DLC1: variants seen among roughly 807,000 people sequenced by gnomAD.
DLC1 encodes the protein rho GTPase-activating protein 7.
A neutral mutation model predicts 140.3 loss-of-function variants in DLC1; 54 were observed. That is an observed-to-expected ratio of 0.38 (90% confidence interval 0.31 to 0.48). The LOEUF (loss-of-function observed/expected upper bound fraction) is 0.48. Ranked by LOEUF, DLC1 falls within the 20% of genes least tolerant of loss-of-function variation. DLC1 has a pLI of 0.96. For missense variants in DLC1, 2,536 were observed against 1,907.0 expected, an observed-to-expected ratio of 1.33 and a Z score of -6.14; for synonymous variants, 986 against 728.1, an observed-to-expected ratio of 1.35 and a Z score of -5.70.
chr8:13,171,919 C>G (rs116950032), intron 5 of DLC1, among the ~76,000 whole-genome samples: 1 of 152,096 alleles, frequency 6.6e-6, no homozygotes, highest in South Asian at 2.1e-4. Flanking sequence ...ATGAATCCTA[C>G]GGCTACGGGT....
At chr8:13,161,147 A>G (rs1312983633) in intron 5 of DLC1, among the ~76,000 whole-genome samples, 2 of 152,186 alleles carry the variant, frequency 1.3e-5, no homozygotes, top group African/African-American at 4.8e-5. Context: ...AGGTAACCTA[A>G]TCTAATTAAT....
chr8:13,354,788 TA>T (rs879020833), intron 4 of DLC1, among the ~76,000 whole-genome samples: 46 of 143,286 alleles, frequency 3.2e-4, no homozygotes, highest in Admixed American at 7.7e-4. Flanking sequence ...CTACAAAAAA[TA>T]AAAAAAAAAA....
At chr8:13,493,147 C>G (rs1480880296) in intron 2 of DLC1, among the ~76,000 whole-genome samples, 1 of 152,132 alleles carries the variant, frequency 6.6e-6, no homozygotes, top group African/African-American at 2.4e-5. Flanking sequence ...TTGGGAAGCA[C>G]AATCTTCTCA....
At chr8:13,392,890 C>T (rs1836827413) in intron 4 of DLC1, among the ~76,000 whole-genome samples, 1 of 152,124 alleles carries the variant, frequency 6.6e-6, no homozygotes, top group South Asian at 2.1e-4. Flanking sequence ...CAGTACCTTA[C>T]ATTTATGCAT....
rs577175005 is a variant in DLC1, at chr8:13,196,845, G to A, written c.1349-81188C>T. 2.0e-4 allele frequency among the ~76,000 whole-genome samples: 30 copies of A among 152,316 alleles called. 1 individual carries two copies. In the South Asian group the frequency reaches 4.8e-3, roughly 24 times the overall value. ...TGAGATGAAAAGATTTCTAGTGGTA[G>A]GGATGTTTGAAATGGAGCTACAGTG... On this transcript the variant is annotated intron_variant, in intron 5 of 17. Transcript: ENST00000276297.
At chr8:13,401,206 A>G (rs1479272499) in intron 3 of DLC1, among the ~76,000 whole-genome samples, 1 of 152,248 alleles carries the variant, frequency 6.6e-6, no homozygotes, top group Non-Finnish European at 1.5e-5. Flanking sequence ...ACTACAAACC[A>G]TAATTTCCTA....
chr8:13,540,438 T>G (rs1433103690), intron 1 of DLC1, among the ~76,000 whole-genome samples: 3 of 152,206 alleles, frequency 2.0e-5, no homozygotes, highest in Non-Finnish European at 4.4e-5. Context: ...TTAATGAACC[T>G]CTTTAGATAT....
chr8:13,414,093 C>G (rs948127087), intron 2 of DLC1, among the ~76,000 whole-genome samples: 8 of 152,084 alleles, frequency 5.3e-5, no homozygotes, highest in Non-Finnish European at 1.2e-4. Flanking sequence ...CACGAAAAAG[C>G]TCCCCAGGAA....
At chr8:13,218,818 T>G (rs987099324) in intron 5 of DLC1, among the ~76,000 whole-genome samples, 33 of 67,696 alleles carry the variant, frequency 4.9e-4, no homozygotes, top group Non-Finnish European at 6.2e-4. Flanking sequence ...ATATTCATAA[T>G]TATATGAATA....
rs1014923303 is a variant in DLC1 at position 13,096,079 on chromosome 8, T to C, written c.3168-834A>G. The C allele has an allele frequency of 3.3e-5, 5 of 152,222 alleles. 1 individual carries two copies. Among genetic ancestry groups the C allele is most frequent in the Admixed American group, 1.3e-4 (2 of 15,272 alleles). The allele number at this position is 152,222 out of a possible 1,614,324, so 9.4% of individuals were successfully genotyped here. A position where few individuals can be genotyped will look rare whatever the true frequency, so the allele number is the denominator to read the frequency against. On this transcript the variant is annotated intron_variant, in intron 10 of 17. Transcript: ENST00000276297. Reference sequence around the variant, plus strand: ...GCATTTCAGGCTGTCAAGCAGAAATTCCAGCTCTCCAAATGACCTCTCTGA... The same window carrying C: ...GCATTTCAGGCTGTCAAGCAGAAATCCCAGCTCTCCAAATGACCTCTCTGA...
At chr8:13,185,561 C>T (rs898220440) in intron 5 of DLC1, among the ~76,000 whole-genome samples, 1 of 152,076 alleles carries the variant, frequency 6.6e-6, no homozygotes, top group Non-Finnish European at 1.5e-5. Context: ...CTCGCCTTGG[C>T]CTCCCAAAGT....
chr8:13,342,956 G>A (rs367967841), intron 4 of DLC1, among the ~76,000 whole-genome samples: 3 of 152,014 alleles, frequency 2.0e-5, no homozygotes, highest in Admixed American at 2.0e-4. Context: ...TTTGACTTCA[G>A]ACTGTCTTTT....
chr8:13,301,356 A>G (rs924201374), intron 5 of DLC1, among the ~76,000 whole-genome samples: 1 of 152,216 alleles, frequency 6.6e-6, no homozygotes, highest in African/African-American at 2.4e-5. Flanking sequence ...ACAGCTGTTC[A>G]GCTGTTAGTA....
chr8:13,097,637 G>C (rs1226431316), intron 10 of DLC1, among the ~76,000 whole-genome samples: 1 of 152,138 alleles, frequency 6.6e-6, no homozygotes, highest in Admixed American at 6.6e-5. Flanking sequence ...TTCAAAGATG[G>C]TCTCATTAAA....
chr8:13,278,602 A>T (rs560899814), intron 5 of DLC1, among the ~76,000 whole-genome samples: 9 of 152,328 alleles, frequency 5.9e-5, no homozygotes, highest in African/African-American at 2.2e-4. Context: ...CTGGATTCCT[A>T]ACTCCTCCTA....
At chr8:13,597,864 G>A (rs1805734500) in intron 1 of DLC1, among the ~76,000 whole-genome samples, 1 of 152,000 alleles carries the variant, frequency 6.6e-6, no homozygotes, top group Non-Finnish European at 1.5e-5. Context: ...ATTGCTACAT[G>A]GAATATTTGC....
At chr8:13,271,358 G>A (rs1268206711) in intron 5 of DLC1, among the ~76,000 whole-genome samples, 2 of 152,188 alleles carry the variant, frequency 1.3e-5, no homozygotes, top group Non-Finnish European at 2.9e-5. Context: ...AGGAGTCAAT[G>A]TTTTTGGTTG....
At chr8:13,520,736 C>A (rs964622029) in intron 1 of DLC1, among the ~76,000 whole-genome samples, 2 of 151,976 alleles carry the variant, frequency 1.3e-5, no homozygotes, top group African/African-American at 4.8e-5. Flanking sequence ...GCTAGGGTAC[C>A]ATCAGAAACT....
chr8:13,312,540 G>T (rs55846803), intron 4 of DLC1, among the ~76,000 whole-genome samples: 3 of 151,652 alleles, frequency 2.0e-5, no homozygotes, highest in Non-Finnish European at 2.9e-5. Flanking sequence ...ATATCCTTCA[G>T]ATATATTTTC....
Sources: gnomAD v4.1 joint callset for allele counts (sites outside exome capture counted in the v4.1 genomes callset) on GRCh38, gnomAD v4.1.1 for gene constraint, MANE v1.5 for transcripts, NCBI Gene and HGNC (gene_info 2026-07-23, HGNC 2026-07-21) for gene names.